Variants in VSNL1 observed in about 807,000 individuals in gnomAD.
VSNL1 encodes the protein visinin like 1, also known as visinin-like protein 1.
Under a neutral mutation model 20.4 loss-of-function variants are expected in VSNL1, and 6 were observed. The observed-to-expected ratio is 0.29, with a 90% CI of 0.16 to 0.58. The LOEUF (loss-of-function observed/expected upper bound fraction) is 0.58, where lower values mean the gene tolerates loss of function less well. VSNL1 is among the 20% of genes least tolerant of loss of function. VSNL1 has a pLI of 0.90. For synonymous variants in VSNL1, 93 were observed against 86.4 expected, an observed-to-expected ratio of 1.08 and a Z score of -0.42; for missense variants, 100 against 234.5, an observed-to-expected ratio of 0.43 and a Z score of 3.75.
intron 2 of VSNL1, among the ~76,000 whole-genome samples, chr2:17,626,137 TCTC>T (rs1445692580): frequency 6.6e-6 from 1 of 152,076 alleles, no homozygotes; most frequent in Non-Finnish European, 1.5e-5. Context: ...GATCTTCTAA[TCTC>T]CTCACTATCT....
intron 1 of VSNL1, among the ~76,000 whole-genome samples, chr2:17,557,188 G>A (rs191519017): frequency 2.4e-3 from 360 of 152,272 alleles, no homozygotes; most frequent in African/African-American, 8.4e-3. Context: ...ATACAGAAAT[G>A]TAGGAACTTG....
chr2:17,599,325 T>C (rs1282209470), intron 2 of VSNL1, among the ~76,000 whole-genome samples: 1 of 152,176 alleles, frequency 6.6e-6, no homozygotes, highest in African/African-American at 2.4e-5. Flanking sequence ...GACCCATCAG[T>C]CTGTCTAGAA....
intron 1 of VSNL1, chr2:17,567,294 A>G (rs1330001934): frequency 1.4e-5 from 2 of 143,778 alleles, no homozygotes; most frequent in Non-Finnish European, 3.0e-5. Flanking sequence ...TATGAGGTGT[A>G]TTCCTAGGCA....
chr2:17,647,146 A>G (rs998462073), intron 2 of VSNL1, among the ~76,000 whole-genome samples: 1 of 152,162 alleles, frequency 6.6e-6, no homozygotes, highest in Non-Finnish European at 1.5e-5. Flanking sequence ...GGTTTTTTAG[A>G]CCTAAATTAA....
At chr2:17,587,789 C>A (rs146539921) in intron 1 of VSNL1, among the ~76,000 whole-genome samples, 251 of 152,220 alleles carry the variant, frequency 1.6e-3, no homozygotes, top group African/African-American at 5.8e-3. Flanking sequence ...TCAAAGTTCT[C>A]ATCAGTAAAA....
At chr2:17,569,079 G>T (rs2103354582) in intron 1 of VSNL1, among the ~76,000 whole-genome samples, 1 of 152,212 alleles carries the variant, frequency 6.6e-6, no homozygotes, top group South Asian at 2.1e-4. Context: ...AGGCCGAAAT[G>T]GGCAGATCAC....
chr2:17,594,852 C>T (rs1028070746), intron 2 of VSNL1, among the ~76,000 whole-genome samples: 8 of 152,316 alleles, frequency 5.3e-5, no homozygotes, highest in African/African-American at 1.9e-4. Context: ...TTTAAAAGCC[C>T]TTGCATTCCA....
intron 1 of VSNL1, among the ~76,000 whole-genome samples, chr2:17,549,207 A>T (rs915029181): frequency 6.6e-6 from 1 of 152,326 alleles, no homozygotes; most frequent in Non-Finnish European, 1.5e-5. Context: ...AATAAATGGC[A>T]GAAGAGGGAG....
chr2:17,639,853 C>G (rs1665843518), intron 2 of VSNL1, among the ~76,000 whole-genome samples: 1 of 152,178 alleles, frequency 6.6e-6, no homozygotes, highest in African/African-American at 2.4e-5. Context: ...GAACTGGAAC[C>G]CAATACCGGG....
intron 1 of VSNL1, among the ~76,000 whole-genome samples, chr2:17,565,742 A>C (rs1467236519): frequency 6.6e-6 from 1 of 152,224 alleles, no homozygotes; most frequent in African/African-American, 2.4e-5. Flanking sequence ...TATAACTACT[A>C]TACAGCTGAG....
intron 2 of VSNL1, among the ~76,000 whole-genome samples, chr2:17,640,464 C>A (rs1396777139): frequency 6.6e-6 from 1 of 152,136 alleles, no homozygotes; most frequent in African/African-American, 2.4e-5. Context: ...TCTTAGTCTG[C>A]AACCAGATCT....
intron 2 of VSNL1, among the ~76,000 whole-genome samples, chr2:17,611,796 G>C (rs898914447): frequency 1.3e-5 from 2 of 152,022 alleles, no homozygotes; most frequent in Non-Finnish European, 2.9e-5. Flanking sequence ...ACCCAAACCT[G>C]CTCCCCCAAA....
intron 2 of VSNL1, among the ~76,000 whole-genome samples, chr2:17,616,253 AC>A (rs1665214349): frequency 6.6e-6 from 1 of 152,224 alleles, no homozygotes; most frequent in Admixed American, 6.5e-5. Flanking sequence ...GGTGACAGGA[AC>A]AAGGCACTCA....
rs889335135 is a variant in VSNL1 at position 17,626,776 on chromosome 2, C to T, written c.163-22634C>T. ...TCAGTTTGGAGCATTGTCCACAATT[C>T]TAGGACAAAGGAAAAATCTGTCACT... On this transcript the variant is annotated intron_variant, in intron 2 of 3. Transcript: ENST00000295156. Among the ~76,000 whole-genome samples, 5 of 152,194 alleles carry T rather than the reference C, an allele frequency of 3.3e-5. No individual in the cohort carries two copies. The South Asian group carries it at 8.3e-4, about 25-fold the overall frequency.
At chr2:17,580,710 C>T (rs1664332443) in intron 1 of VSNL1, among the ~76,000 whole-genome samples, 1 of 152,178 alleles carries the variant, frequency 6.6e-6, no homozygotes, top group Non-Finnish European at 1.5e-5. Flanking sequence ...GTGTTTCTCA[C>T]TATTAATCTA....
chr2:17,568,828 T>C (rs774964104), intron 1 of VSNL1, among the ~76,000 whole-genome samples: 1 of 152,326 alleles, frequency 6.6e-6, no homozygotes, highest in African/African-American at 2.4e-5. Context: ...TGAATAAACT[T>C]TAACTGGGTA....
In VSNL1 at chr2:17,634,108, G is replaced by A. The variant is rs574350198; in HGVS notation, c.163-15302G>A. ...TAAGCAGAGTGGCTTTCATCCTGGAGTGTGGGGGAGAAGGTGGAGGAGGGC... is the reference window on the plus strand; with the variant it reads ...TAAGCAGAGTGGCTTTCATCCTGGAATGTGGGGGAGAAGGTGGAGGAGGGC... On this transcript the variant is annotated intron_variant, in intron 2 of 3. Transcript: ENST00000295156. This position sits in a 1 kb window ranked among gnomAD's most constrained non-coding sequence, Gnocchi z 4.3. Among the ~76,000 whole-genome samples the A allele has an allele frequency of 2.6e-5, 4 of 152,302 alleles. No homozygotes were observed. The South Asian group carries it at 8.3e-4, about 32-fold the overall frequency.
chr2:17,632,672 A>G (rs1432256747), intron 2 of VSNL1, among the ~76,000 whole-genome samples: 1 of 152,048 alleles, frequency 6.6e-6, no homozygotes, highest in Non-Finnish European at 1.5e-5. Context: ...TGTGTTTTAA[A>G]TTTTTTCTTC....
intron 2 of VSNL1, among the ~76,000 whole-genome samples, chr2:17,638,919 G>T (rs924662073): frequency 6.6e-6 from 1 of 152,242 alleles, no homozygotes; most frequent in African/African-American, 2.4e-5. Context: ...ATGCTCTGCA[G>T]TGAGGATAAG....
Sources: gnomAD v4.1 joint callset for allele counts (sites outside exome capture counted in the v4.1 genomes callset) on GRCh38, gnomAD v4.1.1 for gene constraint, Gnocchi (gnomAD v3.1) non-coding constraint, MANE v1.5 for transcripts, NCBI Gene and HGNC (gene_info 2026-07-23, HGNC 2026-07-21) for gene names.